Variants in CDH12 observed in about 807,000 individuals in gnomAD.
CDH12 encodes the protein cadherin-12.
In CDH12, 41 loss-of-function variants were observed where a neutral mutation model predicts 74.1. The ratio of observed to expected loss-of-function variants is 0.55; its 90% CI spans 0.43 to 0.72. The LOEUF (loss-of-function observed/expected upper bound fraction) is 0.72, where lower values mean the gene tolerates loss of function less well. CDH12 is among the 30% of genes least tolerant of loss of function. The probability of loss-of-function intolerance (pLI) is 0.00; values close to 1 mark genes in which losing one functional copy is unlikely to be tolerated. For missense variants in CDH12, 945 were observed against 977.2 expected, an observed-to-expected ratio of 0.97 and a Z score of 0.44; for synonymous variants, 399 against 355.0, an observed-to-expected ratio of 1.12 and a Z score of -1.39.
chr5:22,582,362 T>C (rs940109312), intron 1 of CDH12, among the ~76,000 whole-genome samples: 1 of 152,240 alleles, frequency 6.6e-6, no homozygotes, highest in Admixed American at 6.5e-5. Context: ...TATGAATATG[T>C]CAAAATTAAT....
At chr5:21,831,715 G>A (rs1749032148) in intron 8 of CDH12, among the ~76,000 whole-genome samples, 1 of 151,600 alleles carries the variant, frequency 6.6e-6, no homozygotes, top group Non-Finnish European at 1.5e-5. Context: ...GATTCTCGGG[G>A]GATTGTCAAA....
intron 5 of CDH12, among the ~76,000 whole-genome samples, chr5:22,052,674 AT>A (rs1740457977): frequency 6.6e-6 from 1 of 152,156 alleles, no homozygotes; most frequent in Non-Finnish European, 1.5e-5. Context: ...GACAAATGGT[AT>A]AGGCATTGGT....
intron 1 of CDH12, among the ~76,000 whole-genome samples, chr5:22,552,385 C>T (rs1459481849): frequency 6.6e-6 from 1 of 151,648 alleles, no homozygotes; most frequent in East Asian, 1.9e-4. Flanking sequence ...CGGTTCTTCT[C>T]CTTCAGGAGA....
At chr5:22,140,823 G>A (rs1010130485) in intron 4 of CDH12, among the ~76,000 whole-genome samples, 4 of 152,082 alleles carry the variant, frequency 2.6e-5, no homozygotes, top group Non-Finnish European at 5.9e-5. Flanking sequence ...GTGGACATCT[G>A]CATTCTAGTG....
chr5:22,653,263 T>A (rs1415236674), intron 1 of CDH12, among the ~76,000 whole-genome samples: 5 of 152,136 alleles, frequency 3.3e-5, no homozygotes, highest in African/African-American at 1.2e-4. Context: ...GGTTCCTAAT[T>A]AATACCTTCA....
chr5:22,410,405 T>C (rs1357450671), intron 2 of CDH12, among the ~76,000 whole-genome samples: 1 of 152,122 alleles, frequency 6.6e-6, no homozygotes, highest in Non-Finnish European at 1.5e-5. Flanking sequence ...GAGAAGGTCC[T>C]GCCCCAGACT....
chr5:22,361,812 A>G (rs970546317), intron 3 of CDH12, among the ~76,000 whole-genome samples: 2 of 152,214 alleles, frequency 1.3e-5, no homozygotes, highest in African/African-American at 2.4e-5. Flanking sequence ...CAAACTTGAC[A>G]AAAACAAGCA....
In CDH12 at chr5:21,761,245, A is replaced by G. The variant is rs371079101; in HGVS notation, c.1516-570T>C. The stretch of plus-strand genomic sequence containing the variant: ...TTTAATAAGCACTATCATTCCTGTT[A>G]CAAAATTTTTCCTAAATTGCTTCCA... On this transcript the variant is annotated intron_variant, in intron 12 of 14. Transcript: ENST00000382254. Among the ~76,000 whole-genome samples, 20 of 152,290 alleles carry G rather than the reference A, an allele frequency of 1.3e-4. No individual in the cohort carries two copies. In the East Asian group the frequency reaches 2.3e-3, roughly 18 times the overall value.
At chr5:22,424,786 C>A (rs1369952631) in intron 2 of CDH12, among the ~76,000 whole-genome samples, 1 of 151,888 alleles carries the variant, frequency 6.6e-6, no homozygotes, top group African/African-American at 2.4e-5. Flanking sequence ...TATATCTGTT[C>A]TTTATATCTT....
intron 4 of CDH12, among the ~76,000 whole-genome samples, chr5:22,149,519 CA>C (rs915524168): frequency 2.0e-5 from 3 of 152,188 alleles, no homozygotes; most frequent in African/African-American, 7.2e-5. Flanking sequence ...AGTACTCAGT[CA>C]ATGCAGAATA....
At chr5:22,817,309 A>G (rs1749442570) in intron 1 of CDH12, among the ~76,000 whole-genome samples, 1 of 152,122 alleles carries the variant, frequency 6.6e-6, no homozygotes, top group South Asian at 2.1e-4. Flanking sequence ...ATTATTTACT[A>G]CTTAAAATTG....
rs541535081 is a variant in CDH12, at chr5:22,796,503, A to G, written c.-523+56555T>C. On this transcript the variant is annotated intron_variant, in intron 1 of 14. Coordinates refer to ENST00000382254, the MANE Select transcript of CDH12 (RefSeq NM_004061.5). Reference sequence around the variant, plus strand: ...GTCTTCTGTTGAAAAACTTCTGTTCAGATTTTTTATCTTTTTTTTTTTTTT... The same window carrying G: ...GTCTTCTGTTGAAAAACTTCTGTTCGGATTTTTTATCTTTTTTTTTTTTTT... Among the ~76,000 whole-genome samples, 25 of 148,346 alleles carry G rather than the reference A, an allele frequency of 1.7e-4. 1 individual carries two copies. In the East Asian group the frequency reaches 4.6e-3, roughly 27 times the overall value.
intron 3 of CDH12, among the ~76,000 whole-genome samples, chr5:22,285,822 G>A (rs1416852596): frequency 6.6e-6 from 1 of 152,042 alleles, no homozygotes. Context: ...TATTCAAAAA[G>A]TATTTACTGA....
chr5:22,045,576 T>C (rs1739885909), intron 5 of CDH12, among the ~76,000 whole-genome samples: 1 of 134,602 alleles, frequency 7.4e-6, no homozygotes, highest in Non-Finnish European at 1.6e-5. Context: ...ATATGATATA[T>C]ATACAAAAAT....
intron 3 of CDH12, among the ~76,000 whole-genome samples, chr5:22,299,043 G>T (rs1431785066): frequency 6.6e-6 from 1 of 152,140 alleles, no homozygotes; most frequent in East Asian, 1.9e-4. Context: ...CCTTAATCAG[G>T]CTGGTCAGGA....
At chr5:22,548,949 G>A (rs1738446560) in intron 1 of CDH12, among the ~76,000 whole-genome samples, 1 of 151,540 alleles carries the variant, frequency 6.6e-6, no homozygotes, top group African/African-American at 2.4e-5. Context: ...TTGTTTGTTT[G>A]TTTTTTAAGT....
chr5:22,318,052 A>G (rs371905447), intron 3 of CDH12, among the ~76,000 whole-genome samples: 291 of 152,330 alleles, frequency 1.9e-3, no homozygotes, highest in Non-Finnish European at 3.6e-3. Flanking sequence ...TTAATGGGGA[A>G]GAATCATTTG....
chr5:22,634,013 T>C (rs983508655), intron 1 of CDH12, among the ~76,000 whole-genome samples: 5 of 152,146 alleles, frequency 3.3e-5, no homozygotes, highest in African/African-American at 1.2e-4. Flanking sequence ...TTGTATAGTA[T>C]TGAAATGAAG....
chr5:22,837,216 C>T lies in CDH12; in HGVS notation c.-523+15842G>A, dbSNP rs944414091. On this transcript the variant is annotated intron_variant, in intron 1 of 14. Transcript: ENST00000382254. ...GGAGGATCGCTTGAGCTCAGGAGTT[C>T]GAGACCAGACTGGGCAACACAGTAG... is the stretch of plus-strand genomic sequence containing the variant. 3.3e-5 allele frequency among the ~76,000 whole-genome samples: 5 copies of T among 151,916 alleles called. 1 individual carries two copies. The South Asian group carries it at 6.2e-4, about 19-fold the overall frequency.
Sources: allele counts gnomAD v4.1 joint callset (sites outside exome capture counted in the v4.1 genomes callset), GRCh38; gene constraint gnomAD v4.1.1; transcripts MANE v1.5; gene names NCBI Gene and HGNC (gene_info 2026-07-23, HGNC 2026-07-21).